The following THSD4 variants were observed in gnomAD, a reference collection of about 807,000 sequenced individuals.
THSD4 encodes thrombospondin type 1 domain containing 4, also known as thrombospondin type-1 domain-containing protein 4.
Under a neutral mutation model 119.0 loss-of-function variants are expected in THSD4, and 69 were observed. The observed-to-expected ratio is 0.58, with a 90% CI of 0.48 to 0.71. THSD4 has a LOEUF of 0.71. Ranked by LOEUF, THSD4 falls within the 30% of genes least tolerant of loss-of-function variation. THSD4 has a pLI of 0.00. For synonymous variants in THSD4, 524 were observed against 540.4 expected, an observed-to-expected ratio of 0.97 and a Z score of 0.42; for missense variants, 1,393 against 1,391.1, an observed-to-expected ratio of 1.00 and a Z score of -0.02.
intron 6 of THSD4, among the ~76,000 whole-genome samples, chr15:71,390,507 C>T (rs941105699): frequency 2.0e-5 from 3 of 152,106 alleles, no homozygotes; most frequent in African/African-American, 7.2e-5. Flanking sequence ...AGGCTAAATC[C>T]AATTTTGGAT....
intron 7 of THSD4, among the ~76,000 whole-genome samples, chr15:71,576,600 C>T (rs550419951): frequency 6.6e-6 from 1 of 152,298 alleles, no homozygotes; most frequent in South Asian, 2.1e-4. Flanking sequence ...ATAGTACATA[C>T]TATGAAATTA....
Position 71,215,248 on chromosome 15 carries a change from G to C in THSD4, c.313G>C (p.Val105Leu). The change falls in exon 4 of 18, where the codon GTG becomes CTG. Residue 105 changes from valine to leucine, a missense_variant. Coordinates refer to ENST00000261862, the MANE Select transcript of THSD4 (RefSeq NM_024817.3). ...APARAFADHVVSAVRTSVPLH... is the reference protein window; with the variant it reads ...APARAFADHVLSAVRTSVPLH... ...TGCGCGCGCCTTCGCGGACCACGTG[G>C]TGTCGGCGGTGCGCACGTCGGTGCC... is the stretch of plus-strand genomic sequence containing the variant. The C allele has an allele frequency of 6.8e-7, 1 of 1,478,698 alleles. No homozygotes were observed. The highest frequency in any genetic ancestry group is 8.9e-7 in the Non-Finnish European group (1 of 1,121,322). 91.6% of individuals were successfully genotyped at this position (1,478,698 alleles called of 1,614,324 possible).
chr15:71,379,450 CTTTTTTTTTTTT>C (rs34326932), intron 6 of THSD4, among the ~76,000 whole-genome samples: 1 of 77,562 alleles, frequency 1.3e-5, no homozygotes, highest in Non-Finnish European at 2.4e-5. Context: ...CAAATGGCTT[CTTTTTTTTTTTT>C]TTTTTTTTTT....
intron 8 of THSD4, among the ~76,000 whole-genome samples, chr15:71,683,414 G>A (rs900810469): frequency 3.9e-5 from 6 of 152,120 alleles, no homozygotes; most frequent in Non-Finnish European, 8.8e-5. Flanking sequence ...GGAATACTCA[G>A]AAAAGGGCAC....
At chr15:71,603,387 C>T (rs1013954375) in intron 7 of THSD4, among the ~76,000 whole-genome samples, 6 of 152,212 alleles carry the variant, frequency 3.9e-5, no homozygotes, top group South Asian at 2.1e-4. Flanking sequence ...GCACACAGCA[C>T]GAACTTCCCG....
At chr15:71,530,351 C>A (rs1299117302) in intron 7 of THSD4, among the ~76,000 whole-genome samples, 1 of 152,034 alleles carries the variant, frequency 6.6e-6, no homozygotes, top group African/African-American at 2.4e-5. Flanking sequence ...ACACTTCTTG[C>A]CAGCTCAGCT....
intron 7 of THSD4, among the ~76,000 whole-genome samples, chr15:71,561,358 G>C (rs566252454): frequency 5.9e-5 from 9 of 152,230 alleles, no homozygotes; most frequent in African/African-American, 2.2e-4. Context: ...AAAGTGTTTG[G>C]TATGAGAATA....
intron 7 of THSD4, among the ~76,000 whole-genome samples, chr15:71,492,138 T>G (rs1415656879): frequency 3.3e-5 from 5 of 152,172 alleles, no homozygotes; most frequent in African/African-American, 1.2e-4. Flanking sequence ...TATGGATGTT[T>G]TACACTTGAT....
intron 6 of THSD4, 89 bp from the exon 7 acceptor site, chr15:71,411,598 T>C: frequency 7.1e-7 from 1 of 1,405,808 alleles, no homozygotes; most frequent in Non-Finnish European, 9.6e-7. Context: ...TCAATAAAAA[T>C]TATAGGAAGA....
At chr15:71,234,599 A>G (rs540170918) in intron 4 of THSD4, among the ~76,000 whole-genome samples, 2 of 152,218 alleles carry the variant, frequency 1.3e-5, no homozygotes, top group Non-Finnish European at 2.9e-5. Context: ...CCAGCCTGCT[A>G]GTCAAACTCT....
intron 7 of THSD4, among the ~76,000 whole-genome samples, chr15:71,603,734 C>T (rs2050056996): frequency 2.6e-5 from 4 of 152,148 alleles, no homozygotes; most frequent in Admixed American, 2.6e-4. Context: ...AATGCCTCTC[C>T]CTCTGGTGGG....
At chr15:71,143,315 A>T (rs1327298174) in intron 2 of THSD4, among the ~76,000 whole-genome samples, 1 of 152,154 alleles carries the variant, frequency 6.6e-6, no homozygotes, top group African/African-American at 2.4e-5. Flanking sequence ...AGATATTTCA[A>T]GACATGAAAT....
chr15:71,564,480 A>T lies in THSD4; in HGVS notation c.1153-96050A>T, dbSNP rs147695986. Among the ~76,000 whole-genome samples, 181 of 152,190 alleles carry T rather than the reference A, an allele frequency of 1.2e-3. 1 individual carries two copies. The East Asian group carries it at 0.031, about 26-fold the overall frequency. ...TGGAGGTGGAAGGGGAGGGAGGTAA[A>T]CTTCTCAGGCAGAGGGAAAAGCAGG... On this transcript the variant is annotated intron_variant, in intron 7 of 17. Transcript: ENST00000261862.
chr15:71,535,085 T>G (rs989924928), intron 7 of THSD4, among the ~76,000 whole-genome samples: 5 of 152,228 alleles, frequency 3.3e-5, no homozygotes, highest in African/African-American at 1.2e-4. Flanking sequence ...TAGAACATTT[T>G]CATCACTCCC....
chr15:71,748,625 A>T (rs1245209903), intron 14 of THSD4, 31 bp downstream of exon 14: 1 of 1,610,346 alleles, frequency 6.2e-7, no homozygotes, highest in Admixed American at 1.7e-5. Context: ...AGCGCCGGGG[A>T]CCGAGGTCTG....
chr15:71,642,041 G>T (rs377382689), intron 7 of THSD4, among the ~76,000 whole-genome samples: 6 of 152,292 alleles, frequency 3.9e-5, no homozygotes, highest in African/African-American at 1.4e-4. Context: ...GCAGAACGTG[G>T]AGCAATGGAC....
intron 8 of THSD4, among the ~76,000 whole-genome samples, chr15:71,661,210 T>C (rs1240326560): frequency 1.3e-5 from 2 of 152,138 alleles, no homozygotes; most frequent in Admixed American, 1.3e-4. Context: ...TACATAGTAG[T>C]GTGCATGTCT....
chr15:71,160,115 T>C (rs539072807), intron 3 of THSD4, among the ~76,000 whole-genome samples: 1 of 152,276 alleles, frequency 6.6e-6, no homozygotes, highest in African/African-American at 2.4e-5. Context: ...ATGTGGTGTG[T>C]CACATGTATT....
chr15:71,606,048 G>A (rs1033189814), intron 7 of THSD4, among the ~76,000 whole-genome samples: 2 of 152,216 alleles, frequency 1.3e-5, no homozygotes, highest in African/African-American at 4.8e-5. Flanking sequence ...GGGAAAATAA[G>A]GACTCATCAT....
Sources: allele counts gnomAD v4.1 joint callset (sites outside exome capture counted in the v4.1 genomes callset), GRCh38; gene constraint gnomAD v4.1.1; transcripts MANE v1.5; gene names NCBI Gene and HGNC (gene_info 2026-07-23, HGNC 2026-07-21).